Variants in RIT2 observed in about 807,000 individuals in gnomAD.
RIT2 encodes Ras like without CAAX 2, also known as GTP-binding protein Rit2.
RIT2 carries 24 observed loss-of-function variants against 23.7 expected under a neutral mutation model. The ratio of observed to expected loss-of-function variants is 1.01; its 90% CI spans 0.73 to 1.43. The LOEUF (loss-of-function observed/expected upper bound fraction) is 1.43, where lower values mean the gene tolerates loss of function less well. Among genes scored for constraint, RIT2 ranks in the 40% most tolerant of loss-of-function variants. RIT2 has a pLI of 0.00. For missense variants in RIT2, 236 were observed against 266.9 expected (o/e 0.88, Z 0.81); for synonymous variants, 107 against 91.1 (o/e 1.17, Z -0.99).
At chr18:42,840,733 T>A (rs1173911298) in intron 4 of RIT2, among the ~76,000 whole-genome samples, 1 of 152,152 alleles carries the variant, frequency 6.6e-6, no homozygotes, top group Non-Finnish European at 1.5e-5. Context: ...ACTTTCAACC[T>A]CAGGTGATCC....
chr18:42,910,706 C>T (rs1384128798), intron 4 of RIT2, among the ~76,000 whole-genome samples: 1 of 152,044 alleles, frequency 6.6e-6, no homozygotes, highest in Admixed American at 6.6e-5. Context: ...GAGCATACTC[C>T]AGGGGATGAT....
intron 2 of RIT2, among the ~76,000 whole-genome samples, chr18:43,020,161 T>C (rs1297563951): frequency 1.3e-5 from 2 of 152,028 alleles, no homozygotes; most frequent in Non-Finnish European, 2.9e-5. Flanking sequence ...GAGGAATGCA[T>C]TTTTCACAGA....
intron 1 of RIT2, among the ~76,000 whole-genome samples, chr18:43,051,886 C>T (rs1912392113): frequency 6.6e-6 from 1 of 152,114 alleles, no homozygotes; most frequent in African/African-American, 2.4e-5. Flanking sequence ...AAAATTCCTA[C>T]TTGTTCAAGC....
chr18:43,092,366 C>A (rs191778009), intron 1 of RIT2, among the ~76,000 whole-genome samples: 1 of 152,182 alleles, frequency 6.6e-6, no homozygotes, highest in East Asian at 1.9e-4. Flanking sequence ...ACCTGCCTGA[C>A]CAGGTCACAA....
At chr18:43,023,345 T>C (rs147537000) in intron 2 of RIT2, among the ~76,000 whole-genome samples, 3,216 of 152,194 alleles carry the variant, frequency 0.021, 51 homozygotes, top group Admixed American at 0.043. Flanking sequence ...ATTGACATTA[T>C]GGTTGCCTTT....
chr18:43,098,644 G>C (rs144112500), intron 1 of RIT2, among the ~76,000 whole-genome samples: 49 of 152,004 alleles, frequency 3.2e-4, no homozygotes, highest in African/African-American at 1.1e-3. Context: ...ACAATAACTA[G>C]TGCTTATGAG....
intron 4 of RIT2, among the ~76,000 whole-genome samples, chr18:42,802,506 A>C (rs1400489291): frequency 1.3e-5 from 2 of 152,202 alleles, no homozygotes; most frequent in Non-Finnish European, 2.9e-5. Context: ...GATATGGAAG[A>C]CCAATGAGCA....
intron 4 of RIT2, among the ~76,000 whole-genome samples, chr18:42,798,160 G>A (rs1232936107): frequency 6.6e-6 from 1 of 152,166 alleles, no homozygotes; most frequent in Non-Finnish European, 1.5e-5. Context: ...CGTTGAGATT[G>A]TGGTGTTTTG....
At chr18:43,011,170 T>G (rs1598747229) in intron 2 of RIT2, among the ~76,000 whole-genome samples, 1 of 151,848 alleles carries the variant, frequency 6.6e-6, no homozygotes, top group East Asian at 1.9e-4. Flanking sequence ...AAGCAACTAG[T>G]GGACAAAAGC....
chr18:42,885,482 A>G (rs1482957099), intron 4 of RIT2, among the ~76,000 whole-genome samples: 1 of 152,150 alleles, frequency 6.6e-6, no homozygotes, highest in Non-Finnish European at 1.5e-5. Flanking sequence ...GCTACTTGGG[A>G]GGCTGAGTCA....
At chr18:43,111,737 T>G (rs1483724977) in intron 1 of RIT2, among the ~76,000 whole-genome samples, 9 of 152,154 alleles carry the variant, frequency 5.9e-5, no homozygotes, top group African/African-American at 2.2e-4. Flanking sequence ...TATCTGTTAC[T>G]TTGTATGGTG....
chr18:42,810,850 G>A (rs372302195), intron 4 of RIT2, among the ~76,000 whole-genome samples: 7 of 151,930 alleles, frequency 4.6e-5, no homozygotes, highest in African/African-American at 1.7e-4. Context: ...GGTTTTACAC[G>A]TTGTGACTCC....
At chr18:42,819,265 T>C (rs1247764080) in intron 4 of RIT2, among the ~76,000 whole-genome samples, 1 of 152,068 alleles carries the variant, frequency 6.6e-6, no homozygotes, top group African/African-American at 2.4e-5. Flanking sequence ...ACAATGTAAA[T>C]GCCACAGTCC....
chr18:42,843,906 A>C (rs951403702), intron 4 of RIT2, among the ~76,000 whole-genome samples: 1 of 152,240 alleles, frequency 6.6e-6, no homozygotes, highest in Non-Finnish European at 1.5e-5. Context: ...ACAAAAAATA[A>C]AAACATTTGA....
chr18:43,111,478 ATGTT>A lies in RIT2; in HGVS notation c.103+3935_103+3938del, dbSNP rs541456027. ...GATTTATAACACAAATAAATGATGA[ATGTT>A]TGAGGTGATGGATACACCATACCCT... On this transcript the variant is annotated intron_variant, in intron 1 of 4. Transcript: ENST00000326695. Among the ~76,000 whole-genome samples, 280 of 152,300 alleles carry A rather than the reference ATGTT, an allele frequency of 1.8e-3. 1 individual carries two copies. Among genetic ancestry groups the A allele is most frequent in the African/African-American group, 6.4e-3 (266 of 41,568 alleles).
intron 4 of RIT2, among the ~76,000 whole-genome samples, chr18:42,820,370 A>T (rs562601412): frequency 2.3e-4 from 33 of 146,230 alleles, no homozygotes; most frequent in African/African-American, 7.4e-4. Context: ...CAAACCAGTT[A>T]AAAAAAAAAA....
chr18:43,086,760 A>G (rs1913292247), intron 1 of RIT2, among the ~76,000 whole-genome samples: 1 of 152,174 alleles, frequency 6.6e-6, no homozygotes, highest in African/African-American at 2.4e-5. Context: ...TCCTGGATGA[A>G]AAGATCATGC....
At chr18:42,997,233 T>C (rs564943594) in intron 2 of RIT2, among the ~76,000 whole-genome samples, 4 of 152,118 alleles carry the variant, frequency 2.6e-5, no homozygotes, top group Non-Finnish European at 5.9e-5. Context: ...CACATGTCCT[T>C]TTTATGTGGT....
intron 1 of RIT2, among the ~76,000 whole-genome samples, chr18:43,099,034 G>T (rs1010627621): frequency 6.6e-6 from 1 of 151,956 alleles, no homozygotes; most frequent in African/African-American, 2.4e-5. Flanking sequence ...GAACTTTTCT[G>T]ATTTTCTATT....
Sources: gnomAD v4.1 joint callset for allele counts (sites outside exome capture counted in the v4.1 genomes callset) on GRCh38, gnomAD v4.1.1 for gene constraint, MANE v1.5 for transcripts, NCBI Gene and HGNC (gene_info 2026-07-23, HGNC 2026-07-21) for gene names.